The following CAMTA1 variants were observed in gnomAD, a reference collection of about 807,000 sequenced individuals.
The protein encoded by CAMTA1 is calmodulin binding transcription activator 1.
Under a neutral mutation model 170.9 loss-of-function variants are expected in CAMTA1, and 27 were observed. The ratio of observed to expected loss-of-function variants is 0.16; its 90% CI spans 0.12 to 0.22. The LOEUF (loss-of-function observed/expected upper bound fraction) is 0.22. Ranked by LOEUF, CAMTA1 falls within the 10% of genes least tolerant of loss-of-function variation. The pLI is 1.00. For synonymous variants in CAMTA1, 833 were observed against 891.5 expected (o/e 0.93, Z 1.17); for missense variants, 1,619 against 2,217.2 (o/e 0.73, Z 5.42).
intron 5 of CAMTA1, among the ~76,000 whole-genome samples, chr1:7,421,288 G>T (rs1419304755): frequency 6.6e-6 from 1 of 151,986 alleles, no homozygotes; most frequent in Non-Finnish European, 1.5e-5. Context: ...GAGTAGCTGG[G>T]ATTACAGGCG....
intron 4 of CAMTA1, among the ~76,000 whole-genome samples, chr1:7,122,735 G>A (rs922070990): frequency 2.6e-5 from 4 of 152,074 alleles, no homozygotes; most frequent in African/African-American, 7.2e-5. Flanking sequence ...GTGCAAGGCC[G>A]CCCCACCCTG....
At chr1:7,653,414 C>T (rs971432460) in intron 7 of CAMTA1, among the ~76,000 whole-genome samples, 2 of 152,116 alleles carry the variant, frequency 1.3e-5, no homozygotes, top group Non-Finnish European at 2.9e-5. Context: ...AGGTGCCCAC[C>T]ACCACACCAG....
At chr1:6,876,549 G>C (rs1449961181) in intron 3 of CAMTA1, among the ~76,000 whole-genome samples, 3 of 152,046 alleles carry the variant, frequency 2.0e-5, no homozygotes, top group African/African-American at 7.2e-5. Flanking sequence ...TTTTAGTACA[G>C]ACAGGATTTC....
At chr1:6,958,843 AT>A (rs1173790586) in intron 3 of CAMTA1, among the ~76,000 whole-genome samples, 4 of 151,338 alleles carry the variant, frequency 2.6e-5, no homozygotes, top group South Asian at 2.1e-4. Flanking sequence ...GAAAGTTTTT[AT>A]TTTTTTTTAA....
At chr1:7,331,452 T>C (rs1007315387) in intron 5 of CAMTA1, among the ~76,000 whole-genome samples, 1 of 152,174 alleles carries the variant, frequency 6.6e-6, no homozygotes, top group Admixed American at 6.5e-5. Context: ...GTGGGTTACA[T>C]CTCCTAATAT....
At chr1:7,753,256 A>C (rs1302805861) in intron 21 of CAMTA1, among the ~76,000 whole-genome samples, 1 of 152,240 alleles carries the variant, frequency 6.6e-6, no homozygotes, top group Non-Finnish European at 1.5e-5. Flanking sequence ...TTCTTTATGA[A>C]GACTAGCGTC....
intron 5 of CAMTA1, among the ~76,000 whole-genome samples, chr1:7,289,125 CT>C (rs879787505): frequency 2.8e-4 from 42 of 152,198 alleles, no homozygotes; most frequent in Non-Finnish European, 5.6e-4. Flanking sequence ...CTCATGAGAA[CT>C]CACTCGCTGT....
chr1:7,582,604 CTCCAGCAGCT>C (rs1210974002), intron 6 of CAMTA1, among the ~76,000 whole-genome samples: 1 of 152,212 alleles, frequency 6.6e-6, no homozygotes, highest in African/African-American at 2.4e-5. Context: ...GTAACATCCA[CTCCAGCAGCT>C]TCTGGTCCAG....
intron 1 of CAMTA1, among the ~76,000 whole-genome samples, chr1:6,793,156 G>A (rs1171294571): frequency 6.6e-6 from 1 of 152,038 alleles, no homozygotes; most frequent in African/African-American, 2.4e-5. Context: ...GTGAAGCCCA[G>A]CTCTGATTGG....
intron 3 of CAMTA1, among the ~76,000 whole-genome samples, chr1:7,082,361 C>A (rs1164206406): frequency 6.6e-6 from 1 of 152,174 alleles, no homozygotes; most frequent in Non-Finnish European, 1.5e-5. Context: ...TCTCTTGAAC[C>A]TATGAGGCAG....
At position 7,181,732 on chromosome 1, in the gene CAMTA1, A is replaced by G. The variant is rs184175728; in HGVS notation, c.303-67759A>G. Among the ~76,000 whole-genome samples, 7 of 150,842 alleles carry G rather than the reference A, an allele frequency of 4.6e-5. No individual in the cohort carries two copies. The East Asian group carries it at 9.7e-4, about 21-fold the overall frequency. The stretch of plus-strand genomic sequence containing the variant: ...TGAAAGTAGTCTTGAACAAATAGAA[A>G]GACATCCCTTGATTTTGGATGGATT... On this transcript the variant is annotated intron_variant, in intron 4 of 22. Coordinates refer to ENST00000303635, the MANE Select transcript of CAMTA1 (RefSeq NM_015215.4).
chr1:6,793,736 T>C (rs187828713), intron 1 of CAMTA1, among the ~76,000 whole-genome samples: 83 of 152,364 alleles, frequency 5.4e-4, no homozygotes, highest in African/African-American at 1.9e-3. Context: ...AGCCTTTCTT[T>C]TTACAAGTTT....
At chr1:6,935,404 G>A (rs1174509584) in intron 3 of CAMTA1, among the ~76,000 whole-genome samples, 3 of 152,046 alleles carry the variant, frequency 2.0e-5, no homozygotes, top group Non-Finnish European at 4.4e-5. Context: ...AAAAAATGAC[G>A]GATGATGAAA....
Position 7,286,472 on chromosome 1 carries a change from G to A in CAMTA1, c.438+36846G>A, listed in dbSNP as rs1453275893. ...GTGGCATCCAATCTCTTCTCTTTGG[G>A]CTGGAATCATGAACGTTCAGGGTCG... is the stretch of plus-strand genomic sequence containing the variant. On this transcript the variant is annotated intron_variant, in intron 5 of 22. Transcript: ENST00000303635. This position sits in a 1 kb window ranked among gnomAD's most constrained non-coding sequence, Gnocchi z 4.2. Among the ~76,000 whole-genome samples the A allele has an allele frequency of 1.3e-5, 2 of 152,186 alleles. No homozygotes were observed. The highest frequency in any genetic ancestry group is 2.9e-5 in the Non-Finnish European group (2 of 68,044).
chr1:7,427,525 A>G (rs974301059), intron 5 of CAMTA1, among the ~76,000 whole-genome samples: 2 of 152,186 alleles, frequency 1.3e-5, no homozygotes, highest in African/African-American at 4.8e-5. Context: ...ATAATTTGCT[A>G]TAAGCTGTAT....
intron 5 of CAMTA1, among the ~76,000 whole-genome samples, chr1:7,378,276 G>T (rs1038541316): frequency 6.6e-6 from 1 of 152,190 alleles, no homozygotes; most frequent in African/African-American, 2.4e-5. Context: ...CTAACTGTGT[G>T]CTCTGCCAGA....
chr1:7,588,319 T>C lies in CAMTA1; in HGVS notation c.511-52081T>C, dbSNP rs1035854975. Among the ~76,000 whole-genome samples the C allele has an allele frequency of 4.2e-4, 63 of 151,126 alleles. 1 individual carries two copies. The highest frequency in any genetic ancestry group is 1.5e-3 in the African/African-American group (62 of 40,436). On this transcript the variant is annotated intron_variant, in intron 6 of 22. Coordinates refer to ENST00000303635, the MANE Select transcript of CAMTA1 (RefSeq NM_015215.4). This position sits in a 1 kb window ranked among gnomAD's most constrained non-coding sequence, Gnocchi z 5.8. ...GGGACCCCGGGTCTGTCAGGTCTGG[T>C]GAGAGGTGGCTCTGCAGTCTGGAGC...
intron 3 of CAMTA1, among the ~76,000 whole-genome samples, chr1:6,994,329 C>T (rs995013130): frequency 6.6e-6 from 1 of 152,118 alleles, no homozygotes; most frequent in African/African-American, 2.4e-5. Context: ...TGAAGAATTT[C>T]ATTTAACTTT....
chr1:7,589,978 G>T (rs570968496), intron 6 of CAMTA1, among the ~76,000 whole-genome samples: 3 of 152,280 alleles, frequency 2.0e-5, no homozygotes, highest in African/African-American at 7.2e-5. Flanking sequence ...TGTGCAGATG[G>T]GATTTTAAAG....
Sources: gnomAD v4.1 joint callset for allele counts (sites outside exome capture counted in the v4.1 genomes callset) on GRCh38, gnomAD v4.1.1 for gene constraint, Gnocchi (gnomAD v3.1) non-coding constraint, MANE v1.5 for transcripts, NCBI Gene and HGNC (gene_info 2026-07-23, HGNC 2026-07-21) for gene names.